Variants in PTPN2 observed in about 807,000 individuals in gnomAD.
PTPN2 encodes tyrosine-protein phosphatase non-receptor type 2.
In PTPN2, 19 loss-of-function variants were observed where a neutral mutation model predicts 57.3. The ratio of observed to expected loss-of-function variants is 0.33; its 90% confidence interval spans 0.23 to 0.49. PTPN2 has a LOEUF of 0.49. Among genes scored for constraint, PTPN2 ranks in the 20% least tolerant of loss-of-function variants. The pLI is 0.99. For synonymous variants in PTPN2, 153 were observed against 164.9 expected, an observed-to-expected ratio of 0.93 and a Z score of 0.55; for missense variants, 358 against 501.1, an observed-to-expected ratio of 0.71 and a Z score of 2.73.
intron 1 of PTPN2, among the ~76,000 whole-genome samples, chr18:12,871,512 T>C (rs2044268249): frequency 6.6e-6 from 1 of 152,100 alleles, no homozygotes; most frequent in South Asian, 2.1e-4. Context: ...AGTTTAGTTT[T>C]TGTTATATAT....
At chr18:12,800,676 T>C (rs78235647) in intron 8 of PTPN2, among the ~76,000 whole-genome samples, 3,389 of 152,284 alleles carry the variant, frequency 0.022, 119 homozygotes, top group African/African-American at 0.078. Context: ...CTATAATGTA[T>C]GGCAGACTTC....
chr18:12,864,038 C>A (rs1211293590), intron 1 of PTPN2: 1 of 152,108 alleles, frequency 6.6e-6, no homozygotes, highest in Non-Finnish European at 1.5e-5. Flanking sequence ...CGTGGTACAT[C>A]CAAGTGAATA....
chr18:12,814,498 T>TA (rs1270328874), intron 6 of PTPN2, 143 bp from the exon 7 acceptor site: 5 of 672,728 alleles, frequency 7.4e-6, no homozygotes, highest in African/African-American at 1.8e-5. Context: ...CTATAACTGT[T>TA]ATGTACACAA....
At chr18:12,806,875 T>A (rs951820570) in intron 7 of PTPN2, among the ~76,000 whole-genome samples, 4 of 152,158 alleles carry the variant, frequency 2.6e-5, no homozygotes, top group African/African-American at 7.2e-5. Context: ...CTTCAGGACA[T>A]TGGTCTGGGC....
At chr18:12,877,697 T>C (rs1568178356) in intron 1 of PTPN2, among the ~76,000 whole-genome samples, 3 of 152,212 alleles carry the variant, frequency 2.0e-5, no homozygotes, top group Non-Finnish European at 4.4e-5. Context: ...CTAGCAATAT[T>C]TGAACTACAA....
At chr18:12,795,439 G>A (rs953889704) in intron 8 of PTPN2, among the ~76,000 whole-genome samples, 3 of 152,194 alleles carry the variant, frequency 2.0e-5, no homozygotes, top group Admixed American at 6.5e-5. Context: ...GATTACAGAC[G>A]TGCACCACCA....
At position 12,801,950 on chromosome 18, in the gene PTPN2, T is replaced by C; in HGVS notation, c.1040+20A>G. 6.4e-7 allele frequency: 1 copy of C among 1,555,574 alleles called. No individual in the cohort carries two copies. Among genetic ancestry groups the C allele is most frequent in the African/African-American group, 1.4e-5 (1 of 72,050 alleles). The stretch of plus-strand genomic sequence containing the variant: ...AATAAAAAAGCCTCATCTTTCAGCC[T>C]GTAGTTATAGAAAGCTTACCTCTCA... On this transcript the variant is annotated intron_variant, in intron 8 of 8. Transcript: ENST00000309660.
intron 7 of PTPN2, among the ~76,000 whole-genome samples, chr18:12,812,018 T>A (rs1368299898): frequency 1.3e-5 from 2 of 152,218 alleles, no homozygotes; most frequent in African/African-American, 2.4e-5. Flanking sequence ...TTACATTTAA[T>A]ACTTTATTAG....
chr18:12,830,858 A>G (rs1214754681), intron 4 of PTPN2, 85 bp downstream of exon 4: 7 of 1,045,710 alleles, frequency 6.7e-6, no homozygotes, highest in Non-Finnish European at 9.9e-6. Context: ...AAACTAAGGA[A>G]TGAATATTGG....
At chr18:12,844,112 CAA>C (rs1422830513) in intron 2 of PTPN2, 1 of 152,240 alleles carries the variant, frequency 6.6e-6, no homozygotes, top group Non-Finnish European at 1.5e-5. Flanking sequence ...GTTGTTACGT[CAA>C]GTTTCTTCCT....
chr18:12,831,062 G>T (rs753152891), intron 3 of PTPN2, 21 bp from the exon 4 acceptor site: 6 of 1,515,038 alleles, frequency 4.0e-6, no homozygotes, highest in Admixed American at 3.4e-5. Flanking sequence ...AGAGGAGAGA[G>T]AGCAGATGAG....
intron 1 of PTPN2, among the ~76,000 whole-genome samples, chr18:12,876,939 T>C (rs575608336): frequency 3.8e-4 from 58 of 152,288 alleles, no homozygotes; most frequent in African/African-American, 1.3e-3. Flanking sequence ...TGATCTCAAA[T>C]AGATCATAAG....
At chr18:12,872,835 G>A (rs558180926) in intron 1 of PTPN2, among the ~76,000 whole-genome samples, 5 of 152,226 alleles carry the variant, frequency 3.3e-5, no homozygotes, top group Admixed American at 2.0e-4. Flanking sequence ...ACATTAAATC[G>A]GCACAACATT....
Position 12,794,467 on chromosome 18 carries a change from A to C in PTPN2, c.1059T>G (p.Ile353Met), listed in dbSNP as rs1485325592. ...ENSESALRKR[I>M]REDRKATTAQ... ...CTGTGGTGGCCTTTCTGTCCTCTCG[A>C]ATACGTTTCCGTAGAGCACTATGAG... Residue 353 changes from isoleucine (I) to methionine (M), a missense_variant, in exon 9 of 9, where the codon ATT becomes ATG. Transcript: ENST00000309660. 1 of 1,613,560 alleles carries C rather than the reference A, an allele frequency of 6.2e-7. No individual in the cohort carries two copies. The highest frequency in any genetic ancestry group is 8.5e-7 in the Non-Finnish European group (1 of 1,180,028).
At chr18:12,870,754 C>T (rs1024131032) in intron 1 of PTPN2, among the ~76,000 whole-genome samples, 6 of 151,546 alleles carry the variant, frequency 4.0e-5, no homozygotes, top group Non-Finnish European at 8.8e-5. Context: ...CATGATCCGC[C>T]CACCTCGGCC....
chr18:12,883,182 C>G (rs2044721169), intron 1 of PTPN2, among the ~76,000 whole-genome samples: 1 of 152,120 alleles, frequency 6.6e-6, no homozygotes. Flanking sequence ...AGGGGGCTTG[C>G]AAGAGGGGAT....
At position 12,884,223 on chromosome 18, in the gene PTPN2, C is replaced by A. The variant is rs1038826714; in HGVS notation, c.-82G>T. On this transcript the variant is annotated 5_prime_UTR_variant, in exon 1 of 9. Coordinates refer to ENST00000309660, the MANE Select transcript of PTPN2 (RefSeq NM_002828.4). ...CCGCACGATCCGGGGAGAGCGCTGG[C>A]GCTGCGGCGCATGCGCGCTGCGCGC... The A allele has an allele frequency of 1.2e-5, 13 of 1,117,320 alleles. No homozygotes were observed. The African/African-American group carries it at 2.0e-4, about 17-fold the overall frequency. 69.2% of individuals were successfully genotyped at this position (1,117,320 alleles called of 1,614,324 possible).
intron 3 of PTPN2, among the ~76,000 whole-genome samples, chr18:12,831,417 C>A (rs972382948): frequency 1.3e-5 from 2 of 152,168 alleles, no homozygotes; most frequent in Non-Finnish European, 2.9e-5. Context: ...ACTACTATCT[C>A]CTTGCTTTTG....
chr18:12,829,291 G>C (rs188332165), intron 4 of PTPN2, among the ~76,000 whole-genome samples: 2 of 152,052 alleles, frequency 1.3e-5, no homozygotes, highest in African/African-American at 2.4e-5. Context: ...CGAGGTGGGC[G>C]TATCACTTGA....
Sources: allele counts gnomAD v4.1 joint callset (sites outside exome capture counted in the v4.1 genomes callset), GRCh38; gene constraint gnomAD v4.1.1; transcripts MANE v1.5; gene names NCBI Gene and HGNC (gene_info 2026-07-23, HGNC 2026-07-21).